The following BRINP3 variants were observed in gnomAD, a reference collection of about 807,000 sequenced individuals.
The protein encoded by BRINP3 is BMP/retinoic acid-inducible neural-specific protein 3.
BRINP3 carries 19 observed loss-of-function variants against 71.0 expected under a neutral mutation model. The ratio of observed to expected loss-of-function variants is 0.27; its 90% CI spans 0.19 to 0.39. BRINP3 has a LOEUF of 0.39. Ranked by LOEUF, BRINP3 falls within the 10% of genes least tolerant of loss-of-function variation. The pLI, the probability that BRINP3 is intolerant of heterozygous loss-of-function variation, is 1.00. For synonymous variants in BRINP3, 380 were observed against 337.7 expected, an observed-to-expected ratio of 1.13 and a Z score of -1.37; for missense variants, 959 against 940.8, an observed-to-expected ratio of 1.02 and a Z score of -0.25.
chr1:190,137,110 C>T (rs1275902860), intron 7 of BRINP3, among the ~76,000 whole-genome samples: 1 of 151,844 alleles, frequency 6.6e-6, no homozygotes, highest in African/African-American at 2.4e-5. Flanking sequence ...ATGAAAGAAC[C>T]ATGATTTGAA....
intron 6 of BRINP3, among the ~76,000 whole-genome samples, chr1:190,176,768 C>T (rs554325457): frequency 6.6e-6 from 1 of 152,226 alleles, no homozygotes; most frequent in East Asian, 1.9e-4. Context: ...TATTGTGATC[C>T]TTTGCAGAAC....
At chr1:190,426,834 CAT>C (rs1305241745) in intron 2 of BRINP3, among the ~76,000 whole-genome samples, 2 of 151,864 alleles carry the variant, frequency 1.3e-5, no homozygotes, top group South Asian at 2.1e-4. Flanking sequence ...ATTAACGGAA[CAT>C]TATTTTGTAA....
At chr1:190,180,491 G>A (rs1652931716) in intron 6 of BRINP3, among the ~76,000 whole-genome samples, 1 of 152,034 alleles carries the variant, frequency 6.6e-6, no homozygotes. Context: ...GGGAAAAAAT[G>A]CTGTAGATAT....
At chr1:190,163,182 A>T (rs1364863932) in intron 6 of BRINP3, among the ~76,000 whole-genome samples, 1 of 152,124 alleles carries the variant, frequency 6.6e-6, no homozygotes, top group Non-Finnish European at 1.5e-5. Context: ...ATATAAATCA[A>T]CAATTTACAT....
At chr1:190,177,458 G>C (rs181206859) in intron 6 of BRINP3, among the ~76,000 whole-genome samples, 2 of 150,946 alleles carry the variant, frequency 1.3e-5, no homozygotes, top group African/African-American at 4.9e-5. Context: ...GATTACAGGC[G>C]TGAGGCACCA....
intron 2 of BRINP3, among the ~76,000 whole-genome samples, chr1:190,379,629 G>T (rs1184872843): frequency 6.6e-6 from 1 of 152,090 alleles, no homozygotes; most frequent in Non-Finnish European, 1.5e-5. Flanking sequence ...CTAGGGGATA[G>T]CAGGGGAGAG....
At chr1:190,448,507 A>G (rs1203081218) in intron 2 of BRINP3, among the ~76,000 whole-genome samples, 1 of 149,944 alleles carries the variant, frequency 6.7e-6, no homozygotes, top group Non-Finnish European at 1.5e-5. Context: ...TATTTCATCC[A>G]TAAAAATCAA....
At chr1:190,393,181 A>C (rs1671357613) in intron 2 of BRINP3, among the ~76,000 whole-genome samples, 1 of 151,678 alleles carries the variant, frequency 6.6e-6, no homozygotes, top group Non-Finnish European at 1.5e-5. Flanking sequence ...TATATTAAGC[A>C]CACATTTACA....
chr1:190,385,469 C>T (rs1290274830), intron 2 of BRINP3, among the ~76,000 whole-genome samples: 1 of 151,780 alleles, frequency 6.6e-6, no homozygotes, highest in East Asian at 1.9e-4. Flanking sequence ...AGCCAAAAAA[C>T]ACATGAAAAA....
intron 2 of BRINP3, among the ~76,000 whole-genome samples, chr1:190,423,581 T>A (rs1673516930): frequency 6.6e-6 from 1 of 151,818 alleles, no homozygotes; most frequent in African/African-American, 2.4e-5. Flanking sequence ...ATGTTGCGAA[T>A]TACTTTAATT....
intron 2 of BRINP3, among the ~76,000 whole-genome samples, chr1:190,317,326 G>T (rs1463634732): frequency 3.9e-5 from 6 of 152,076 alleles, no homozygotes; most frequent in Admixed American, 2.6e-4. Flanking sequence ...ACCAAGGGCA[G>T]CTATTCAGTT....
chr1:190,260,316 A>G (rs1044637110), intron 4 of BRINP3, among the ~76,000 whole-genome samples: 1 of 152,108 alleles, frequency 6.6e-6, no homozygotes, highest in Non-Finnish European at 1.5e-5. Context: ...ACAAAGAAAA[A>G]AAGTATGTAA....
At chr1:190,305,976 G>A (rs1157603680) in intron 2 of BRINP3, among the ~76,000 whole-genome samples, 1 of 151,686 alleles carries the variant, frequency 6.6e-6, no homozygotes, top group Non-Finnish European at 1.5e-5. Flanking sequence ...CCTATCACAT[G>A]CACATACTTA....
chr1:190,229,912 A>C (rs1352011471), intron 5 of BRINP3, among the ~76,000 whole-genome samples: 1 of 152,008 alleles, frequency 6.6e-6, no homozygotes, highest in Non-Finnish European at 1.5e-5. Context: ...AAGAATGATA[A>C]ATTAATTTCA....
chr1:190,121,902 T>C (rs879808000), intron 7 of BRINP3, among the ~76,000 whole-genome samples: 2 of 152,146 alleles, frequency 1.3e-5, no homozygotes, highest in African/African-American at 2.4e-5. Context: ...ATAAAAATCG[T>C]GTGGACTGAA....
intron 2 of BRINP3, 115 bp from the exon 3 acceptor site, chr1:190,281,865 G>T: frequency 2.2e-6 from 2 of 894,646 alleles, no homozygotes; most frequent in Non-Finnish European, 1.7e-6. Context: ...TGTAATACTA[G>T]GTTGTGTGCT....
At chr1:190,421,571 G>A (rs983314791) in intron 2 of BRINP3, among the ~76,000 whole-genome samples, 2 of 151,518 alleles carry the variant, frequency 1.3e-5, no homozygotes, top group African/African-American at 4.8e-5. Flanking sequence ...ATGAATATCG[G>A]CATCATTTCT....
intron 2 of BRINP3, among the ~76,000 whole-genome samples, chr1:190,327,324 A>G (rs1666650471): frequency 1.9e-5 from 2 of 104,796 alleles, no homozygotes; most frequent in Non-Finnish European, 3.9e-5. Flanking sequence ...CAAAAAAAAG[A>G]ACAAAAAAAA....
At position 190,209,434 on chromosome 1, in the gene BRINP3, A is replaced by T. The variant is rs192461825; in HGVS notation, c.961+16648T>A. Among the ~76,000 whole-genome samples the T allele has an allele frequency of 2.0e-4, 30 of 152,228 alleles. No homozygotes were observed. In the East Asian group the frequency reaches 5.6e-3, roughly 29 times the overall value. On this transcript the variant is annotated intron_variant, in intron 6 of 7. Coordinates refer to ENST00000367462, the MANE Select transcript of BRINP3 (RefSeq NM_199051.3). ...CATATCATGCCTGCCAGGTTCATAAAGCCTTCCTCTAGACAGTGATACATA... is the reference window on the plus strand; with the variant it reads ...CATATCATGCCTGCCAGGTTCATAATGCCTTCCTCTAGACAGTGATACATA...
Sources: allele counts gnomAD v4.1 joint callset (sites outside exome capture counted in the v4.1 genomes callset), GRCh38; gene constraint gnomAD v4.1.1; transcripts MANE v1.5; gene names NCBI Gene and HGNC (gene_info 2026-07-23, HGNC 2026-07-21).